The following GPATCH8 variants were observed in gnomAD, a reference collection of about 807,000 sequenced individuals.
GPATCH8 encodes the protein G patch domain-containing protein 8.
GPATCH8 carries 18 observed loss-of-function variants against 118.3 expected under a neutral mutation model. That is an observed-to-expected ratio of 0.15 (90% CI 0.11 to 0.23). The LOEUF (loss-of-function observed/expected upper bound fraction) is 0.23. Among genes scored for constraint, GPATCH8 ranks in the 10% least tolerant of loss-of-function variants. The probability of loss-of-function intolerance (pLI) is 1.00; values close to 1 mark genes in which losing one functional copy is unlikely to be tolerated. For synonymous variants in GPATCH8, 659 were observed against 684.7 expected, an observed-to-expected ratio of 0.96 and a Z score of 0.59; for missense variants, 1,631 against 1,873.8, an observed-to-expected ratio of 0.87 and a Z score of 2.39.
intron 6 of GPATCH8, among the ~76,000 whole-genome samples, chr17:44,407,641 A>G (rs1048823328): frequency 3.3e-5 from 5 of 150,150 alleles, no homozygotes; most frequent in Non-Finnish European, 7.4e-5. Context: ...CAAAACTGTT[A>G]GTGCCCATAA....
At chr17:44,482,970 C>T (rs950057458) in intron 1 of GPATCH8, among the ~76,000 whole-genome samples, 22 of 148,654 alleles carry the variant, frequency 1.5e-4, no homozygotes, top group African/African-American at 4.9e-4. Flanking sequence ...TCCTGGCTAA[C>T]ACGGTGCAAC....
rs77971036 is a variant in GPATCH8, at chr17:44,399,584, C to T, written c.2493G>A (p.Lys831=). The stretch of plus-strand genomic sequence containing the variant: ...CTTCCTCACTGTACTGGGATGGAGA[C>T]TTCTGGTGCAGCCGGTGTGAGGAAG... ...DDASSHRLHQ[K]SPSQYSEEEE... Residue 831 remains lysine, a synonymous_variant, in exon 8 of 8, where the codon AAG becomes AAA. Coordinates refer to ENST00000591680, the MANE Select transcript of GPATCH8 (RefSeq NM_001002909.4). 9.4e-4 allele frequency: 1,510 copies of T among 1,614,196 alleles called. 17 individuals are homozygous for T. In the African/African-American group the frequency reaches 0.015, roughly 16 times the overall value.
intron 6 of GPATCH8, 49 bp downstream of exon 6, chr17:44,424,300 G>C: frequency 7.6e-7 from 1 of 1,322,700 alleles, no homozygotes; most frequent in Non-Finnish European, 1.1e-6. Flanking sequence ...TCCAATTGTT[G>C]TAACAATAGA....
At chr17:44,462,422 A>G (rs752337123) in intron 3 of GPATCH8, among the ~76,000 whole-genome samples, 1 of 152,202 alleles carries the variant, frequency 6.6e-6, no homozygotes, top group Non-Finnish European at 1.5e-5. Context: ...AGTCCTGATT[A>G]TCTTCTCTCT....
rs966667065 is a variant in GPATCH8, at chr17:44,400,461, G to A, written c.1616C>T (p.Pro539Leu). The change falls in exon 8 of 8, where the codon CCA (proline) becomes CTA (leucine). Residue 539 changes from proline to leucine, a missense_variant. Around this residue, in one of 8 missense-constraint regions of GPATCH8, gnomAD observed 405 missense variants for 462.7 expected, o/e 0.88. Transcript: ENST00000591680. Reference sequence around the variant, plus strand: ...AGTGCTTTCATCTTTGCTCAAAACTGGGAAGAAGGGACCAGTAGGATGTTT... The same window carrying A: ...AGTGCTTTCATCTTTGCTCAAAACTAGGAAGAAGGGACCAGTAGGATGTTT... ...GPKHPTGPFF[P>L]VLSKDESTAL... The A allele has an allele frequency of 6.2e-7, 1 of 1,614,174 alleles. No individual in the cohort carries two copies.
rs761030239 is a variant in GPATCH8, at chr17:44,400,086, C to T, written c.1991G>A (p.Ser664Asn). ...ETEDTGRSLP[S>N]KKERSGKSHR... is the part of the protein sequence containing the mutation. ...GGACTTCCCAGATCGTTCTTTCTTG[C>T]TGGGAAGGCTTCTCCCTGTGTCTTC... Residue 664 changes from serine (S) to asparagine (N), a missense_variant, in exon 8 of 8, where the codon AGC (serine) becomes AAC (asparagine). Physicochemically the swap from Ser to Asn is conservative, Grantham distance 46. Coordinates refer to ENST00000591680, the MANE Select transcript of GPATCH8 (RefSeq NM_001002909.4). The T allele has an allele frequency of 2.5e-6, 4 of 1,614,024 alleles. No homozygotes were observed. In the South Asian group the frequency reaches 3.3e-5, roughly 13 times the overall value.
chr17:44,442,832 C>T (rs1406315588), intron 3 of GPATCH8, among the ~76,000 whole-genome samples: 1 of 151,608 alleles, frequency 6.6e-6, no homozygotes, highest in African/African-American at 2.4e-5. Context: ...AATCCCAGCA[C>T]TTGGGGAGGC....
chr17:44,433,063 C>T (rs2050376526), intron 5 of GPATCH8, among the ~76,000 whole-genome samples: 1 of 151,812 alleles, frequency 6.6e-6, no homozygotes, highest in Non-Finnish European at 1.5e-5. Flanking sequence ...GCCCAGACTG[C>T]TCTCAAACTC....
At chr17:44,480,308 G>A (rs1032111355) in intron 1 of GPATCH8, among the ~76,000 whole-genome samples, 1 of 151,896 alleles carries the variant, frequency 6.6e-6, no homozygotes, top group Admixed American at 6.5e-5. Context: ...GCGGCAGGGC[G>A]CGGTGGCTCA....
In GPATCH8 at chr17:44,402,093, G is replaced by A. The variant is rs187861584; in HGVS notation, c.624-640C>T. ...TCCCAGCACTTTGGGAGGTGGAGGC[G>A]AGCAGATCATGAGATCAGGAGTTCA... On this transcript the variant is annotated intron_variant, in intron 7 of 7. Transcript: ENST00000591680. Among the ~76,000 whole-genome samples, 365 of 151,424 alleles carry A rather than the reference G, an allele frequency of 2.4e-3. 2 individuals carry two copies. The highest frequency in any genetic ancestry group is 4.1e-3 in the Admixed American group (63 of 15,222).
chr17:44,442,664 C>T lies in GPATCH8; in HGVS notation c.194-6119G>A, dbSNP rs189373362. On this transcript the variant is annotated intron_variant, in intron 3 of 7. Coordinates refer to ENST00000591680, the MANE Select transcript of GPATCH8 (RefSeq NM_001002909.4). ...ATTTTTAGTAGAGATGGGGTTTCAC[C>T]ATATTGCTCAGGCTGGTCTCAAACT... Among the ~76,000 whole-genome samples, 3 of 152,330 alleles carry T rather than the reference C, an allele frequency of 2.0e-5. 1 individual carries two copies. The South Asian group carries it at 6.2e-4, about 32-fold the overall frequency.
At chr17:44,402,012 T>TA (rs72141515) in intron 7 of GPATCH8, among the ~76,000 whole-genome samples, 78 of 88,648 alleles carry the variant, frequency 8.8e-4, no homozygotes, top group South Asian at 2.6e-3. Flanking sequence ...TCAAAAAAAT[T>TA]AAAAAAAAAA....
chr17:44,498,659 A>T (rs1218840095), intron 1 of GPATCH8, among the ~76,000 whole-genome samples: 1 of 152,212 alleles, frequency 6.6e-6, no homozygotes, highest in African/African-American at 2.4e-5. Flanking sequence ...CTTTTCACTT[A>T]TCATACTATG....
At chr17:44,421,611 C>G (rs757260809) in intron 6 of GPATCH8, among the ~76,000 whole-genome samples, 3 of 151,560 alleles carry the variant, frequency 2.0e-5, no homozygotes, top group Non-Finnish European at 4.4e-5. Context: ...GGTGAACTCC[C>G]CCTCAGCTTC....
At chr17:44,435,635 T>C (rs2050480212) in intron 4 of GPATCH8, among the ~76,000 whole-genome samples, 1 of 149,434 alleles carries the variant, frequency 6.7e-6, no homozygotes, top group South Asian at 2.1e-4. Flanking sequence ...CAGGCTGATC[T>C]TGAACTCCTC....
chr17:44,466,207 T>A (rs2051756968), intron 2 of GPATCH8, among the ~76,000 whole-genome samples: 1 of 151,658 alleles, frequency 6.6e-6, no homozygotes, highest in East Asian at 1.9e-4. Flanking sequence ...GAGGTTTCAC[T>A]ATGTTGCCCA....
intron 3 of GPATCH8, among the ~76,000 whole-genome samples, chr17:44,447,447 G>A (rs905498492): frequency 9.2e-5 from 14 of 152,030 alleles, no homozygotes; most frequent in South Asian, 2.1e-4. Flanking sequence ...GTGAGCCACC[G>A]CACCCAGCCA....
chr17:44,466,089 C>T (rs2051752216), intron 2 of GPATCH8, among the ~76,000 whole-genome samples: 1 of 152,064 alleles, frequency 6.6e-6, no homozygotes, highest in Non-Finnish European at 1.5e-5. Flanking sequence ...GCAATTATAG[C>T]TAACTGCAGC....
intron 3 of GPATCH8, among the ~76,000 whole-genome samples, chr17:44,459,696 T>C (rs1288344186): frequency 6.6e-6 from 1 of 152,046 alleles, no homozygotes; most frequent in Non-Finnish European, 1.5e-5. Flanking sequence ...AACATCATCC[T>C]TGGCTTCAAG....
Sources: allele counts gnomAD v4.1 joint callset (sites outside exome capture counted in the v4.1 genomes callset), GRCh38; gene constraint gnomAD v4.1.1; regional missense constraint gnomAD v4.1.1; transcripts MANE v1.5; gene names NCBI Gene and HGNC (gene_info 2026-07-23, HGNC 2026-07-21).